The following MGAM2 variants were observed in gnomAD, a reference collection of about 807,000 sequenced individuals.
MGAM2 encodes probable maltase-glucoamylase 2.
In MGAM2, 98 loss-of-function variants were observed where a neutral mutation model predicts 96.1. That is an observed-to-expected ratio of 1.02 (90% CI 0.87 to 1.21). MGAM2 has a LOEUF of 1.21. Ranked by LOEUF, MGAM2 falls within the 50% of genes most tolerant of loss-of-function variation. The probability of loss-of-function intolerance (pLI) is 0.00; values close to 1 mark genes in which losing one functional copy is unlikely to be tolerated. For missense variants in MGAM2, 2,055 were observed against 1,182.4 expected, an observed-to-expected ratio of 1.74 and a Z score of -10.82; for synonymous variants, 749 against 414.8, an observed-to-expected ratio of 1.81 and a Z score of -9.79.
At position 142,199,968 on chromosome 7, in the gene MGAM2, G is replaced by T. The variant is rs1797172933; in HGVS notation, c.5137G>T (p.Asp1713Tyr). ...GTTCTGGGATGATGGACAAAGCATT[G>T]GTGAGTATAAACTTTCCAGGGTCCC... ...QVFWDDGQSI[D>Y]TYENGNYFLA... The change falls in exon 45 of 48, where the codon GAT (aspartate) becomes TAT (tyrosine). Residue 1713 changes from aspartate to tyrosine, a missense_variant and splice_region_variant. Transcript: ENST00000477922. 1.5e-6 allele frequency: 1 copy of T among 676,046 alleles called. No individual in the cohort carries two copies. The highest frequency in any genetic ancestry group is 1.8e-5 in the African/African-American group (1 of 55,746). The allele number at this position is 676,046 out of a possible 1,614,324, so 41.9% of individuals were successfully genotyped here.
At chr7:142,180,387 C>T (rs918744595) in intron 32 of MGAM2, among the ~76,000 whole-genome samples, 24 of 145,038 alleles carry the variant, frequency 1.7e-4, no homozygotes, top group Non-Finnish European at 2.9e-4. Context: ...TTTTCTTCTG[C>T]GATCTTTGGG....
rs137987634 is a variant in MGAM2, at chr7:142,197,134, G to T, written c.4633-266G>T. Among the ~76,000 whole-genome samples the T allele has an allele frequency of 2.3e-3, 355 of 152,224 alleles. 2 individuals carry two copies. Among genetic ancestry groups the T allele is most frequent in the African/African-American group, 8.3e-3 (345 of 41,538 alleles). On this transcript the variant is annotated intron_variant, in intron 40 of 47. Transcript: ENST00000477922. ...TACTCAAATTCATCGAAGATATGTT[G>T]GTGCTGCACGGAAACCTCTCTCTGT...
intron 27 of MGAM2, 161 bp from the exon 28 acceptor site, chr7:142,171,111 C>A: frequency 1.5e-6 from 1 of 670,542 alleles, no homozygotes; most frequent in Non-Finnish European, 2.7e-6. Flanking sequence ...GGTCCTGAGT[C>A]AGGGCCATTG....
chr7:142,207,994 C>T (rs117215633), intron 45 of MGAM2, among the ~76,000 whole-genome samples: 8 of 152,220 alleles, frequency 5.3e-5, no homozygotes, highest in South Asian at 2.1e-4. Context: ...ACGACTTTGA[C>T]GACAGTGAGC....
At chr7:142,208,324 C>G (rs1488795380) in intron 45 of MGAM2, 9 of 613,706 alleles carry the variant, frequency 1.5e-5, no homozygotes, top group Non-Finnish European at 2.4e-5. Context: ...ATCCTTTGTT[C>G]AACCCAGATT....
chr7:142,140,982 A>T (rs749617797), intron 11 of MGAM2, 39 bp from the exon 12 acceptor site: 1 of 691,396 alleles, frequency 1.4e-6, no homozygotes, highest in Non-Finnish European at 2.6e-6. Context: ...AGTGCAAAAA[A>T]TTTATGAAAA....
intron 31 of MGAM2, among the ~76,000 whole-genome samples, chr7:142,174,183 T>C (rs1399787187): frequency 1.6e-4 from 24 of 152,192 alleles, no homozygotes; most frequent in Admixed American, 1.6e-3. Flanking sequence ...GTTACATATA[T>C]GAATTTTAAA....
At chr7:142,171,648 A>ATATG (rs1796194678) in intron 28 of MGAM2, among the ~76,000 whole-genome samples, 1 of 96,746 alleles carries the variant, frequency 1.0e-5, no homozygotes, top group Non-Finnish European at 2.0e-5. Context: ...ATATATATAT[A>ATATG]TATATATCCA....
chr7:142,141,163 G>T (rs1323688434), intron 12 of MGAM2, 44 bp downstream of exon 12: 1 of 686,802 alleles, frequency 1.5e-6, no homozygotes, highest in Non-Finnish European at 2.6e-6. Context: ...TTGTTTTGGG[G>T]AGTTGTACTT....
chr7:142,186,017 A>G lies in MGAM2; in HGVS notation c.4016A>G (p.Asp1339Gly). 1 of 703,848 alleles carries G rather than the reference A, an allele frequency of 1.4e-6. No homozygotes were observed. Among genetic ancestry groups the G allele is most frequent in the Non-Finnish European group, 2.6e-6 (1 of 385,050 alleles). The allele number at this position is 703,848 out of a possible 1,614,324, so 43.6% of individuals were successfully genotyped here. Residue 1339 changes from aspartate (D) to glycine (G), a missense_variant, in exon 35 of 48, where the codon GAC becomes GGC. Transcript: ENST00000477922. ...KLYRAYVAFP[D>G]FFRNSTAAWW... ...TACAGGGCCTACGTTGCCTTTCCTG[A>G]CTTCTTTCGTAATAGCACAGCTGCG...
intron 3 of MGAM2, among the ~76,000 whole-genome samples, chr7:142,128,319 A>C (rs1794784663): frequency 6.6e-6 from 1 of 152,358 alleles, no homozygotes; most frequent in South Asian, 2.1e-4. Flanking sequence ...TAGAGTATAA[A>C]AGTTCAGAAA....
intron 46 of MGAM2, among the ~76,000 whole-genome samples, chr7:142,211,397 G>A (rs530649204): frequency 6.6e-6 from 1 of 152,290 alleles, no homozygotes; most frequent in South Asian, 2.1e-4. Context: ...GCTCCTCCGA[G>A]CTAAAGGAGC....
chr7:142,156,649 A>G (rs1795744693), intron 17 of MGAM2, among the ~76,000 whole-genome samples: 1 of 152,146 alleles, frequency 6.6e-6, no homozygotes, highest in African/African-American at 2.4e-5. Flanking sequence ...GAGGCTGTGG[A>G]GTGTTACTCT....
intron 1 of MGAM2, among the ~76,000 whole-genome samples, chr7:142,112,851 T>C (rs1451336686): frequency 6.6e-6 from 1 of 152,172 alleles, no homozygotes; most frequent in Non-Finnish European, 1.5e-5. Context: ...TTTTAAATAA[T>C]TTAGACTAAA....
intron 20 of MGAM2, among the ~76,000 whole-genome samples, chr7:142,159,559 T>A (rs985963934): frequency 6.6e-6 from 1 of 152,198 alleles, no homozygotes; most frequent in Non-Finnish European, 1.5e-5. Context: ...AATTTATTGC[T>A]CACGGTTTTG....
Position 142,218,397 on chromosome 7 carries a change from T to G in MGAM2, c.5224T>G (p.Leu1742Val), listed in dbSNP as rs1420163234. ...LQIQTIHNKYLSDSNPLKVGY... is the reference protein window; with the variant it reads ...LQIQTIHNKYVSDSNPLKVGY... ...AATCCAGACCATACACAATAAGTAT[T>G]TGAGTGACTCGAATCCACTAAAAGT... The change falls in exon 47 of 48, where the codon TTG (leucine) becomes GTG (valine). Residue 1742 changes from leucine to valine, a missense_variant. Leu to Val is a conservative substitution (Grantham distance 32). Coordinates refer to ENST00000477922, the MANE Select transcript of MGAM2 (RefSeq NM_001293626.2). The G allele has an allele frequency of 1.4e-6, 1 of 702,252 alleles. No individual in the cohort carries two copies. The highest frequency in any genetic ancestry group is 1.7e-5 in the African/African-American group (1 of 57,368). The allele number at this position is 702,252 out of a possible 1,614,324, so 43.5% of individuals were successfully genotyped here.
chr7:142,150,807 A>G (rs761405515), intron 15 of MGAM2, among the ~76,000 whole-genome samples: 4 of 152,182 alleles, frequency 2.6e-5, no homozygotes, highest in Non-Finnish European at 5.9e-5. Flanking sequence ...AAGGTACTTT[A>G]TAATCGAACC....
intron 17 of MGAM2, among the ~76,000 whole-genome samples, chr7:142,155,178 G>A (rs1451220625): frequency 1.4e-4 from 22 of 152,182 alleles, no homozygotes; most frequent in Non-Finnish European, 3.2e-4. Flanking sequence ...GTTAATACAA[G>A]GGAAATCCCT....
intron 15 of MGAM2, among the ~76,000 whole-genome samples, chr7:142,149,543 G>GT (rs1388337116): frequency 2.2e-5 from 3 of 137,744 alleles, no homozygotes; most frequent in South Asian, 2.4e-4. Flanking sequence ...CTACTTGGAT[G>GT]TTTTGTTTTT....
Sources: gnomAD v4.1 joint callset for allele counts (sites outside exome capture counted in the v4.1 genomes callset) on GRCh38, gnomAD v4.1.1 for gene constraint, MANE v1.5 for transcripts, NCBI Gene and HGNC (gene_info 2026-07-23, HGNC 2026-07-21) for gene names.